The following PEAR1 variants were observed in gnomAD, a reference collection of about 807,000 sequenced individuals.
PEAR1 encodes multiple EGF-like domains protein 12.
In PEAR1, 113 loss-of-function variants were observed where a neutral mutation model predicts 131.2. The observed-to-expected ratio is 0.86, with a 90% CI of 0.74 to 1.01. The LOEUF (loss-of-function observed/expected upper bound fraction) is 1.01, where lower values mean the gene tolerates loss of function less well. Ranked by LOEUF, PEAR1 falls within the 50% of genes least tolerant of loss-of-function variation. The pLI, the probability that PEAR1 is intolerant of heterozygous loss-of-function variation, is 0.00. For missense variants in PEAR1, 1,408 were observed against 1,391.1 expected (o/e 1.01, Z -0.19); for synonymous variants, 565 against 523.3 (o/e 1.08, Z -1.09).
rs776721699 is a variant in PEAR1, at chr1:156,912,534, A to G, written c.2121A>G (p.Pro707=). The change falls in exon 17 of 23, where the codon CCA becomes CCG. Residue 707 remains proline, a synonymous_variant. Transcript: ENST00000292357. The part of the protein sequence containing the change: ...LGTFGANCSQ[P]CQCGPGEKCH... Reference sequence around the variant, plus strand: ...CATTTGGTGCTAACTGCTCCCAGCCATGCCAGTGTGGTCCTGGAGAAAAGT... The same window carrying G: ...CATTTGGTGCTAACTGCTCCCAGCCGTGCCAGTGTGGTCCTGGAGAAAAGT... 3 of 1,614,016 alleles carry G rather than the reference A, an allele frequency of 1.9e-6. No individual in the cohort carries two copies. The highest frequency in any genetic ancestry group is 1.7e-5 in the Admixed American group (1 of 60,016).
Position 156,914,865 on chromosome 1 carries a change from C to A in PEAR1, c.*67C>A. 6.4e-7 allele frequency: 1 copy of A among 1,551,786 alleles called. No homozygotes were observed. The highest frequency in any genetic ancestry group is 8.8e-7 in the Non-Finnish European group (1 of 1,138,158). ...TGCTGCTCAAGGCTGGGGACAGAGC[C>A]TAGTGTACCCCTGCCAGGAGCAGGG... On this transcript the variant is annotated 3_prime_UTR_variant, in exon 23 of 23. Transcript: ENST00000292357.
chr1:156,903,901 C>A lies in PEAR1; in HGVS notation c.-9-17C>A. 6.2e-7 allele frequency: 1 copy of A among 1,600,256 alleles called. No homozygotes were observed. Among genetic ancestry groups the A allele is most frequent in the Non-Finnish European group, 8.6e-7 (1 of 1,168,756 alleles). Reference sequence around the variant, plus strand: ...GGCTGCAGCGCCACTGCCCACTCTGCGCCGGTCTTGCTGCAGGCCTCTGCA... The same window carrying A: ...GGCTGCAGCGCCACTGCCCACTCTGAGCCGGTCTTGCTGCAGGCCTCTGCA... On this transcript the variant is annotated splice_polypyrimidine_tract_variant and intron_variant, in intron 1 of 22. Coordinates refer to ENST00000292357, the MANE Select transcript of PEAR1 (RefSeq NM_001080471.3).
chr1:156,913,580 C>T lies in PEAR1; in HGVS notation c.2644+57C>T, dbSNP rs549383897. ...GGGTGGATGTGTGCAGCCCAGATGC[C>T]GCGTCTGAGTGTGTGTGTCTGGAGA... On this transcript the variant is annotated intron_variant, in intron 20 of 22. Transcript: ENST00000292357. 1.9e-5 allele frequency: 31 copies of T among 1,604,188 alleles called. No homozygotes were observed. The South Asian group carries it at 2.2e-4, about 12-fold the overall frequency.
Position 156,915,008 on chromosome 1 carries a change from A to C in PEAR1, c.*210A>C. ...GCAGGATGCCTGGCTCCCTTTCCCA[A>C]CCCACTGCTCCCAAGGCCTCCAGGG... On this transcript the variant is annotated 3_prime_UTR_variant, in exon 23 of 23. Coordinates refer to ENST00000292357, the MANE Select transcript of PEAR1 (RefSeq NM_001080471.3). 1 of 560,288 alleles carries C rather than the reference A, an allele frequency of 1.8e-6. No homozygotes were observed. The highest frequency in any genetic ancestry group is 1.9e-5 in the African/African-American group (1 of 52,100). 34.7% of individuals were successfully genotyped at this position (560,288 alleles called of 1,614,324 possible). A position where few individuals can be genotyped will look rare whatever the true frequency, so the allele number is the denominator to read the frequency against.
chr1:156,912,219 C>G, intron 15 of PEAR1, 28 bp from the exon 16 acceptor site: 1 of 1,590,554 alleles, frequency 6.3e-7, no homozygotes, highest in South Asian at 1.2e-5. Context: ...GTACCTGCCC[C>G]ACCAGACAGG....
At chr1:156,906,578 G>A (rs1273831827) in intron 5 of PEAR1, 59 bp from the exon 6 acceptor site, 3 of 1,600,540 alleles carry the variant, frequency 1.9e-6, no homozygotes, top group Non-Finnish European at 2.6e-6. Context: ...GACAGAGACG[G>A]GGAGGCTGGG....
chr1:156,904,847 G>A lies in PEAR1; in HGVS notation c.201G>A (p.Gln67=). ...GGGAGGGCCCCCATACTTGCCCCCA[G>A]CCCACGTGAGTGCTCCTCATCCTCC... The part of the protein sequence containing the change: ...RPWEGPHTCP[Q]PTVVYRTVYR... Residue 67 remains glutamine (Q), a synonymous_variant, in exon 3 of 23, where the codon CAG becomes CAA. Transcript: ENST00000292357. 6.2e-7 allele frequency: 1 copy of A among 1,613,818 alleles called. No homozygotes were observed. The highest frequency in any genetic ancestry group is 8.5e-7 in the Non-Finnish European group (1 of 1,179,816).
In PEAR1 at chr1:156,913,423, C is replaced by A. The variant is rs822442; in HGVS notation, c.2544C>A (p.Asn848Lys). The A allele has an allele frequency of 0.13, 201,961 of 1,613,822 alleles. 14,677 individuals are homozygous for A. Among genetic ancestry groups the A allele is most frequent in the East Asian group, 0.33 (14,811 of 44,852 alleles). The change falls in exon 20 of 23, where the codon AAC becomes AAA. Residue 848 changes from asparagine (N) to lysine (K), a missense_variant. Transcript: ENST00000292357. ...GCCCGCTCTTTGCCAGCCTGCAGAA[C>A]CCTGAGCGGCCAGGTGGGGCCCAAG... The part of the protein sequence containing the change: ...VPGPLFASLQ[N>K]PERPGGAQGH...
At chr1:156,900,644 C>T (rs1053138171) in intron 1 of PEAR1, among the ~76,000 whole-genome samples, 4 of 152,130 alleles carry the variant, frequency 2.6e-5, no homozygotes, top group Admixed American at 6.5e-5. Flanking sequence ...GCTCAGTGAA[C>T]GATACGTGGG....
rs78770410 is a variant in PEAR1 at position 156,913,755 on chromosome 1, A to G, written c.2708A>G (p.Asn903Ser). ...SYSNGPGPFYNKGLISEEELG... is the reference protein window; with the variant it reads ...SYSNGPGPFYSKGLISEEELG... ...AGCAATGGCCCAGGCCCATTCTACAATAAAGGTATGGGCACAGGGGCAACA... is the reference window on the plus strand; with the variant it reads ...AGCAATGGCCCAGGCCCATTCTACAGTAAAGGTATGGGCACAGGGGCAACA... The change falls in exon 21 of 23, where the codon AAT becomes AGT. Residue 903 changes from asparagine (N) to serine (S), a missense_variant. By Grantham distance (46) the Asn-to-Ser change is conservative. Transcript: ENST00000292357. 3,163 of 1,614,000 alleles carry G rather than the reference A, an allele frequency of 2.0e-3. 53 individuals carry two copies. The African/African-American group carries it at 0.038, about 19-fold the overall frequency.
At chr1:156,913,099 C>A in intron 18 of PEAR1, 95 bp from the exon 19 acceptor site, 1 of 1,549,318 alleles carries the variant, frequency 6.5e-7, no homozygotes, top group South Asian at 1.1e-5. Flanking sequence ...GAAGGGAGGT[C>A]AGGGAGGCCA....
intron 22 of PEAR1, 29 bp downstream of exon 22, chr1:156,914,129 C>T (rs1228655494): frequency 6.5e-7 from 1 of 1,542,764 alleles, no homozygotes; most frequent in African/African-American, 1.4e-5. Context: ...CTGGCAGGAG[C>T]AGCAGAGAAC....
At chr1:156,903,869 G>C (rs1000220482) in intron 1 of PEAR1, 49 bp from the exon 2 acceptor site, 100 of 1,479,860 alleles carry the variant, frequency 6.8e-5, no homozygotes, top group Non-Finnish European at 1.5e-5. Flanking sequence ...AGGTCCTCCA[G>C]GCTGCTGGCT....
In PEAR1 at chr1:156,909,107, A is replaced by G. The variant is rs577529770; in HGVS notation, c.1411+71A>G. On this transcript the variant is annotated intron_variant, in intron 11 of 22. Coordinates refer to ENST00000292357, the MANE Select transcript of PEAR1 (RefSeq NM_001080471.3). Reference sequence around the variant, plus strand: ...AGGGAAGAAGGGAGAGTCCAAGAGTATGGGTGGGCCAAGGGCAGGGGAGCG... The same window carrying G: ...AGGGAAGAAGGGAGAGTCCAAGAGTGTGGGTGGGCCAAGGGCAGGGGAGCG... 4.4e-6 allele frequency: 7 copies of G among 1,596,804 alleles called. No individual in the cohort carries two copies. The South Asian group carries it at 7.9e-5, about 18-fold the overall frequency.
chr1:156,914,578 T>G, intron 22 of PEAR1, 69 bp from the exon 23 acceptor site: 1 of 1,481,480 alleles, frequency 6.8e-7, no homozygotes, highest in South Asian at 1.3e-5. Context: ...AGGAGTGCAG[T>G]GGGAGTGGAG....
At chr1:156,909,300 A>G (rs1650766823) in intron 11 of PEAR1, among the ~76,000 whole-genome samples, 1 of 152,206 alleles carries the variant, frequency 6.6e-6, no homozygotes, top group Non-Finnish European at 1.5e-5. Flanking sequence ...ACCCTCAGTC[A>G]TACGGAAACA....
In PEAR1 at chr1:156,915,045, T is replaced by C. The variant is rs1037110966; in HGVS notation, c.*247T>C. On this transcript the variant is annotated 3_prime_UTR_variant, in exon 23 of 23. Coordinates refer to ENST00000292357, the MANE Select transcript of PEAR1 (RefSeq NM_001080471.3). ...CAAGGCCTCCAGGGCCCTGTGTACA[T>C]AAACTGGTGGGTTGGAAGTTGCTGG... 1 of 463,432 alleles carries C rather than the reference T, an allele frequency of 2.2e-6. No individual in the cohort carries two copies. The highest frequency in any genetic ancestry group is 2.0e-5 in the African/African-American group (1 of 49,998). The allele number at this position is 463,432 out of a possible 1,614,324, so 28.7% of individuals were successfully genotyped here.
At chr1:156,905,087 G>T (rs573571062) in intron 3 of PEAR1, 29 of 1,358,464 alleles carry the variant, frequency 2.1e-5, no homozygotes, top group Admixed American at 1.4e-4. Context: ...GGGGTTGGGG[G>T]GGGGGCAAGA....
Position 156,908,745 on chromosome 1 carries a change from AG to A in PEAR1, c.1209del (p.Cys404AlafsTer281), listed in dbSNP as rs752185722. ...GCTGCCCGCAGGACACGCATGGGCC[AG>A]GGTGCCAGGAGCACTGTCTCTGCCT... ...ESCPQDTHGPGCQEHCLCLHG... is the reference protein window; with the variant it reads ...ESCPQDTHGPXCQEHCLCLHG... On this transcript the variant is annotated frameshift_variant, in exon 10 of 23. Transcript: ENST00000292357. LOFTEE classifies it high-confidence loss of function. The surrounding 1 kb of genome is among the most constrained non-coding windows in gnomAD (Gnocchi z 4.2). 5 of 1,575,168 alleles carry A rather than the reference AG, an allele frequency of 3.2e-6. No individual in the cohort carries two copies. Among genetic ancestry groups the A allele is most frequent in the Non-Finnish European group, 3.4e-6 (4 of 1,163,504 alleles).
Sources: allele counts gnomAD v4.1 joint callset (sites outside exome capture counted in the v4.1 genomes callset), GRCh38; gene constraint gnomAD v4.1.1; non-coding constraint Gnocchi (gnomAD v3.1); transcripts MANE v1.5; gene names NCBI Gene and HGNC (gene_info 2026-07-23, HGNC 2026-07-21).